Variants in ROBO1 observed in about 807,000 individuals in gnomAD.
ROBO1 encodes the protein roundabout guidance receptor 1.
A neutral mutation model predicts 195.9 loss-of-function variants in ROBO1; 149 were observed. The ratio of observed to expected loss-of-function variants is 0.76; its 90% CI spans 0.67 to 0.87. The LOEUF (loss-of-function observed/expected upper bound fraction) is 0.87. Among genes scored for constraint, ROBO1 ranks in the 40% least tolerant of loss-of-function variants. ROBO1 has a pLI of 0.00. For synonymous variants in ROBO1, 816 were observed against 733.2 expected, an observed-to-expected ratio of 1.11 and a Z score of -1.82; for missense variants, 1,933 against 2,068.3, an observed-to-expected ratio of 0.93 and a Z score of 1.27.
chr3:79,250,424 T>G (rs1371682449), intron 2 of ROBO1, among the ~76,000 whole-genome samples: 1 of 152,168 alleles, frequency 6.6e-6, no homozygotes, highest in Non-Finnish European at 1.5e-5. Flanking sequence ...GAGTACCTGG[T>G]TGAAACACCA....
At chr3:79,073,669 T>C (rs1292095295) in intron 3 of ROBO1, among the ~76,000 whole-genome samples, 1 of 151,810 alleles carries the variant, frequency 6.6e-6, no homozygotes, top group Non-Finnish European at 1.5e-5. Flanking sequence ...TGCAGAGAGC[T>C]CAATAAAAGA....
intron 5 of ROBO1, among the ~76,000 whole-genome samples, chr3:78,739,099 T>C (rs2082461769): frequency 6.6e-6 from 1 of 152,160 alleles, no homozygotes; most frequent in Non-Finnish European, 1.5e-5. Context: ...AAGGCTCATA[T>C]CAGCTCAGAA....
chr3:79,017,477 G>GTGTA (rs371842006), intron 3 of ROBO1, among the ~76,000 whole-genome samples: 11,001 of 151,364 alleles, frequency 0.073, 586 homozygotes, highest in Non-Finnish European at 0.11. Flanking sequence ...GTGTGTGTGT[G>GTGTA]TGTGTGTGTG....
chr3:79,133,383 CT>C (rs2080329422), intron 2 of ROBO1, among the ~76,000 whole-genome samples: 1 of 123,498 alleles, frequency 8.1e-6, no homozygotes, highest in South Asian at 3.0e-4. Flanking sequence ...TTGCTCATTT[CT>C]TTTTATTCTT....
At chr3:79,072,216 T>C (rs1350091319) in intron 3 of ROBO1, among the ~76,000 whole-genome samples, 3 of 151,900 alleles carry the variant, frequency 2.0e-5, no homozygotes, top group Admixed American at 6.6e-5. Flanking sequence ...CCCCTTACTC[T>C]GACACTATGA....
rs907550296 is a variant in ROBO1 at position 79,001,860 on chromosome 3, C to T, written c.173-62933G>A. Among the ~76,000 whole-genome samples, 7 of 151,964 alleles carry T rather than the reference C, an allele frequency of 4.6e-5. No homozygotes were observed. The East Asian group carries it at 1.4e-3, about 29-fold the overall frequency. Reference sequence around the variant, plus strand: ...AAAAATAATCAATATTAAGGATAAGCAAAATATTAGATAACATAAACTTAT... The same window carrying T: ...AAAAATAATCAATATTAAGGATAAGTAAAATATTAGATAACATAAACTTAT... On this transcript the variant is annotated intron_variant, in intron 3 of 30. Coordinates refer to ENST00000464233, the MANE Select transcript of ROBO1 (RefSeq NM_002941.4).
At chr3:78,994,142 G>A (rs1469745654) in intron 3 of ROBO1, among the ~76,000 whole-genome samples, 1 of 152,144 alleles carries the variant, frequency 6.6e-6, no homozygotes, top group Non-Finnish European at 1.5e-5. Flanking sequence ...TATAGATACA[G>A]AACAGAGTTT....
intron 4 of ROBO1, among the ~76,000 whole-genome samples, chr3:78,770,280 C>A (rs1218298288): frequency 6.6e-6 from 1 of 152,138 alleles, no homozygotes; most frequent in Non-Finnish European, 1.5e-5. Flanking sequence ...TGCAATCTCA[C>A]CAGCATCTAT....
intron 26 of ROBO1, among the ~76,000 whole-genome samples, chr3:78,626,216 T>C (rs1006763873): frequency 3.3e-5 from 5 of 152,294 alleles, no homozygotes; most frequent in African/African-American, 1.2e-4. Context: ...AAGAGTAGCA[T>C]GGATGGTCTG....
chr3:79,703,856 T>C (rs1271683794), intron 1 of ROBO1, among the ~76,000 whole-genome samples: 1 of 151,962 alleles, frequency 6.6e-6, no homozygotes, highest in African/African-American at 2.4e-5. Flanking sequence ...TTGGACCACT[T>C]AGATTTTTGT....
chr3:79,637,427 C>T (rs1021811449), intron 1 of ROBO1, among the ~76,000 whole-genome samples: 1 of 149,444 alleles, frequency 6.7e-6, no homozygotes, highest in Non-Finnish European at 1.5e-5. Flanking sequence ...TTCCCAAACC[C>T]TTTTTAAGAG....
At chr3:79,610,144 T>G (rs1944611790) in intron 1 of ROBO1, among the ~76,000 whole-genome samples, 1 of 151,932 alleles carries the variant, frequency 6.6e-6, no homozygotes, top group African/African-American at 2.4e-5. Context: ...TGATCATCAA[T>G]ACAGTCGTCT....
intron 2 of ROBO1, among the ~76,000 whole-genome samples, chr3:79,182,551 G>GTGTGTGTT (rs2081359083): frequency 6.6e-6 from 1 of 151,720 alleles, no homozygotes; most frequent in South Asian, 2.1e-4. Context: ...AGGTGTGTGT[G>GTGTGTGTT]TGTGTGTGTG....
intron 3 of ROBO1, among the ~76,000 whole-genome samples, chr3:78,949,490 C>T (rs1299028816): frequency 6.6e-6 from 1 of 152,086 alleles, no homozygotes; most frequent in African/African-American, 2.4e-5. Flanking sequence ...CCCTTCCTTA[C>T]ATCTTATACA....
rs138919329 is a variant in ROBO1 at position 79,319,766 on chromosome 3, A to C, written c.89-194227T>G. Reference sequence around the variant, plus strand: ...TTATTGTAATTACAGTGGACACACAACTCAGAATATAATAAAAAATGCCTA... The same window carrying C: ...TTATTGTAATTACAGTGGACACACACCTCAGAATATAATAAAAAATGCCTA... On this transcript the variant is annotated intron_variant, in intron 2 of 30. Coordinates refer to ENST00000464233, the MANE Select transcript of ROBO1 (RefSeq NM_002941.4). 1.8e-3 allele frequency among the ~76,000 whole-genome samples: 272 copies of C among 152,230 alleles called. 1 individual carries two copies. Among genetic ancestry groups the C allele is most frequent in the African/African-American group, 5.9e-3 (247 of 41,552 alleles).
At chr3:79,380,214 T>C (rs1168991216) in intron 2 of ROBO1, among the ~76,000 whole-genome samples, 1 of 152,206 alleles carries the variant, frequency 6.6e-6, no homozygotes, top group Non-Finnish European at 1.5e-5. Context: ...TTACTATACC[T>C]ACTCTTTACT....
In ROBO1 at chr3:78,705,592, A is replaced by C. The variant is rs550671039; in HGVS notation, c.1045+8805T>G. Among the ~76,000 whole-genome samples, 3 of 152,228 alleles carry C rather than the reference A, an allele frequency of 2.0e-5. No individual in the cohort carries two copies. In the South Asian group the frequency reaches 6.2e-4, roughly 32 times the overall value. On this transcript the variant is annotated intron_variant, in intron 8 of 30. Transcript: ENST00000464233. Reference sequence around the variant, plus strand: ...ATGGTGAATTTTATGTGTCCATTTGAGTGGGTTAGGGGATGTCCAGACAAT... The same window carrying C: ...ATGGTGAATTTTATGTGTCCATTTGCGTGGGTTAGGGGATGTCCAGACAAT...
At chr3:78,906,884 T>C (rs988762243) in intron 4 of ROBO1, among the ~76,000 whole-genome samples, 1 of 152,138 alleles carries the variant, frequency 6.6e-6, no homozygotes, top group Admixed American at 6.6e-5. Flanking sequence ...AAAAAAGACA[T>C]TGTTTTACAT....
intron 2 of ROBO1, among the ~76,000 whole-genome samples, chr3:79,143,475 T>A (rs2080575529): frequency 6.6e-6 from 1 of 152,050 alleles, no homozygotes; most frequent in African/African-American, 2.4e-5. Context: ...ATTACAAACA[T>A]GATAACAGCA....
Sources: allele counts gnomAD v4.1 joint callset (sites outside exome capture counted in the v4.1 genomes callset), GRCh38; gene constraint gnomAD v4.1.1; transcripts MANE v1.5; gene names NCBI Gene and HGNC (gene_info 2026-07-23, HGNC 2026-07-21).